COL4A4: variants seen among roughly 807,000 people sequenced by gnomAD.
COL4A4 encodes the protein collagen alpha-4(IV) chain.
Under a neutral mutation model 192.9 loss-of-function variants are expected in COL4A4, and 105 were observed. The observed-to-expected ratio is 0.54, with a 90% confidence interval of 0.46 to 0.64. The LOEUF (loss-of-function observed/expected upper bound fraction) is 0.64, where lower values mean the gene tolerates loss of function less well. COL4A4 is among the 30% of genes least tolerant of loss of function. COL4A4 has a pLI of 0.00. For synonymous variants in COL4A4, 762 were observed against 769.9 expected (o/e 0.99, Z 0.17); for missense variants, 1,967 against 2,169.3 (o/e 0.91, Z 1.85).
At chr2:227,058,629 T>C (rs1477268280) in intron 28 of COL4A4, among the ~76,000 whole-genome samples, 1 of 152,154 alleles carries the variant, frequency 6.6e-6, no homozygotes, top group Non-Finnish European at 1.5e-5. Flanking sequence ...ACCAGAATGT[T>C]CTTTGTAAAC....
chr2:227,017,875 G>A (rs1965243603), intron 44 of COL4A4, among the ~76,000 whole-genome samples: 1 of 152,102 alleles, frequency 6.6e-6, no homozygotes, highest in South Asian at 2.1e-4. Context: ...ATGGAGGTTT[G>A]TTGTACTGAT....
intron 29 of COL4A4, among the ~76,000 whole-genome samples, chr2:227,057,010 AGG>A (rs1975529042): frequency 6.6e-6 from 1 of 152,198 alleles, no homozygotes; most frequent in South Asian, 2.1e-4. Context: ...GAGACACTCC[AGG>A]GGTCTCTTGT....
At chr2:227,147,202 A>G (rs896236368) in intron 2 of COL4A4, 12 of 684,852 alleles carry the variant, frequency 1.8e-5, no homozygotes, top group African/African-American at 3.5e-5. Context: ...GCAACTTCCC[A>G]TTTGGTGATT....
chr2:227,151,776 C>G (rs908116880), intron 1 of COL4A4, among the ~76,000 whole-genome samples: 6 of 152,290 alleles, frequency 3.9e-5, no homozygotes, highest in Admixed American at 2.0e-4. Context: ...CCTGAAAGAG[C>G]TTGTTTGCCC....
chr2:227,138,926 C>A (rs59904869), intron 4 of COL4A4, among the ~76,000 whole-genome samples: 1 of 152,208 alleles, frequency 6.6e-6, no homozygotes, highest in African/African-American at 2.4e-5. Flanking sequence ...TCATGCACAG[C>A]CCCCTACAAT....
At chr2:227,148,781 A>AAG (rs1387481716) in intron 1 of COL4A4, among the ~76,000 whole-genome samples, 1 of 151,822 alleles carries the variant, frequency 6.6e-6, no homozygotes, top group Non-Finnish European at 1.5e-5. Flanking sequence ...TCTTTAAAAG[A>AAG]CCTGTCTCTA....
intron 1 of COL4A4, among the ~76,000 whole-genome samples, chr2:227,159,573 C>T (rs2064649334): frequency 6.6e-6 from 1 of 152,086 alleles, no homozygotes. Flanking sequence ...TCACATAATC[C>T]CCATATGTCA....
intron 25 of COL4A4, among the ~76,000 whole-genome samples, chr2:227,073,534 G>A (rs2058839217): frequency 1.3e-5 from 2 of 151,906 alleles, no homozygotes; most frequent in Admixed American, 6.6e-5. Context: ...CATAGAATTA[G>A]AAAAAACAAT....
In COL4A4 at chr2:227,107,202, G is replaced by C. The variant is rs73992903; in HGVS notation, c.735+1379C>G. On this transcript the variant is annotated intron_variant, in intron 12 of 47. Transcript: ENST00000396625. ...GGTTGGGGGAAGGGGAAAGTAGTTAGGCAACCCCTTCCCACAGGGACATTT... is the reference window on the plus strand; with the variant it reads ...GGTTGGGGGAAGGGGAAAGTAGTTACGCAACCCCTTCCCACAGGGACATTT... 6.3e-3 allele frequency among the ~76,000 whole-genome samples: 960 copies of C among 152,216 alleles called. 8 individuals are homozygous for C. The highest frequency in any genetic ancestry group is 0.022 in the African/African-American group (904 of 41,534).
chr2:227,146,687 A>G (rs1486557794), intron 2 of COL4A4, among the ~76,000 whole-genome samples: 1 of 152,022 alleles, frequency 6.6e-6, no homozygotes. Flanking sequence ...CCCCGGGGAG[A>G]ATCTGATTCC....
the COL4A4 span, chr2:226,988,464 G>T: frequency 6.3e-5 from 97 of 1,547,856 alleles, no homozygotes; most frequent in Non-Finnish European, 8.3e-5. Flanking sequence ...CTTTGAGGCT[G>T]CAGGGTCCCT....
chr2:227,125,643 G>C (rs16823242), intron 4 of COL4A4, among the ~76,000 whole-genome samples: 1,580 of 152,178 alleles, frequency 0.01, 33 homozygotes, highest in African/African-American at 0.036. Flanking sequence ...CCCTGCACCA[G>C]ATTTCTAGAC....
rs757484926 is a variant in COL4A4, at chr2:227,050,952, C to G, written c.3150+25G>C. 2.5e-6 allele frequency: 4 copies of G among 1,613,942 alleles called. No individual in the cohort carries two copies. In the East Asian group the frequency reaches 8.9e-5, roughly 36 times the overall value. ...GAACAGAAAGGTTTTATTGTCTCTT[C>G]CCCCACAAAGCAGTAGCCCCTTACC... On this transcript the variant is annotated intron_variant, in intron 33 of 47. Coordinates refer to ENST00000396625, the MANE Select transcript of COL4A4 (RefSeq NM_000092.5).
At chr2:227,129,452 C>T (rs1299685800) in intron 4 of COL4A4, among the ~76,000 whole-genome samples, 1 of 151,312 alleles carries the variant, frequency 6.6e-6, no homozygotes, top group Non-Finnish European at 1.5e-5. Context: ...CTCTGTCACC[C>T]AGGCTGGAGT....
intron 18 of COL4A4, among the ~76,000 whole-genome samples, 184 bp from the exon 19 acceptor site, chr2:227,098,982 G>A (rs994735262): frequency 9.8e-5 from 15 of 152,308 alleles, no homozygotes; most frequent in South Asian, 2.1e-4. Flanking sequence ...CCTCAGACAC[G>A]TGAACTTTGA....
In COL4A4 at chr2:227,022,185, A is replaced by G. The variant is rs759175039; in HGVS notation, c.4091-12T>C. On this transcript the variant is annotated splice_polypyrimidine_tract_variant and intron_variant, in intron 43 of 47. Coordinates refer to ENST00000396625, the MANE Select transcript of COL4A4 (RefSeq NM_000092.5). ...TGGCCCCGGTTCACCTGAAATTGGAATCACCGCTTGTGTAATGGATGCACG... is the reference window on the plus strand; with the variant it reads ...TGGCCCCGGTTCACCTGAAATTGGAGTCACCGCTTGTGTAATGGATGCACG... The G allele has an allele frequency of 7.4e-6, 12 of 1,613,906 alleles. No individual in the cohort carries two copies. In the South Asian group the frequency reaches 1.2e-4, roughly 16 times the overall value.
At chr2:227,065,389 G>GGCCT (rs1347246295) in intron 25 of COL4A4, among the ~76,000 whole-genome samples, 1 of 152,242 alleles carries the variant, frequency 6.6e-6, no homozygotes, top group African/African-American at 2.4e-5. Flanking sequence ...AGCTCAAGGA[G>GGCCT]GCCTGCCTGC....
chr2:227,057,910 A>T (rs571757147), intron 28 of COL4A4, among the ~76,000 whole-genome samples: 5 of 152,340 alleles, frequency 3.3e-5, no homozygotes, highest in African/African-American at 1.2e-4. Context: ...CTTTACATCA[A>T]ATCTCTACAA....
chr2:227,012,852 G>A (rs1353295653), intron 44 of COL4A4, among the ~76,000 whole-genome samples: 2 of 152,064 alleles, frequency 1.3e-5, no homozygotes, highest in African/African-American at 4.8e-5. Flanking sequence ...CCCTTTACGT[G>A]GATTGTCCAA....
Sources: gnomAD v4.1 joint callset for allele counts (sites outside exome capture counted in the v4.1 genomes callset) on GRCh38, gnomAD v4.1.1 for gene constraint, MANE v1.5 for transcripts, NCBI Gene and HGNC (gene_info 2026-07-23, HGNC 2026-07-21) for gene names.